PAICS: variants seen among roughly 807,000 people sequenced by gnomAD.
PAICS encodes the protein bifunctional phosphoribosylaminoimidazole carboxylase/phosphoribosylaminoimidazole succinocarboxamide synthetase.
In PAICS, 33 loss-of-function variants were observed where a neutral mutation model predicts 53.7. That is an observed-to-expected ratio of 0.61 (90% CI 0.47 to 0.82). The LOEUF is 0.82. Among genes scored for constraint, PAICS ranks in the 40% least tolerant of loss-of-function variants. PAICS has a pLI of 0.00. For missense variants in PAICS, 394 were observed against 494.1 expected (o/e 0.80, Z 1.92); for synonymous variants, 141 against 167.2 (o/e 0.84, Z 1.21).
Position 56,437,256 on chromosome 4 carries a change from GGTGTGTGTGTGTGTGTGTGTGT to G in PAICS, c.16+949_16+970del, listed in dbSNP as rs57161391. Among the ~76,000 whole-genome samples, 368 of 124,400 alleles carry G rather than the reference GGTGTGTGTGTGTGTGTGTGTGT, an allele frequency of 3.0e-3. 11 individuals are homozygous for G. In the East Asian group the frequency reaches 0.071, roughly 24 times the overall value. 81.6% of individuals were successfully genotyped at this position (124,400 alleles called of 152,430 possible). Reference sequence around the variant, plus strand: ...TTTAGGTAGTCTTTGATGCCATGATGGTGTGTGTGTGTGTGTGTGTGTGTGTGTGTGTGTGTGTGTGTTCGTT... The same window carrying G: ...TTTAGGTAGTCTTTGATGCCATGATGGTGTGTGTGTGTGTGTGTGTTCGTT... On this transcript the variant is annotated intron_variant, in intron 1 of 8. Transcript: ENST00000512576.
At chr4:56,436,054 G>A, upstream of PAICS, 1 of 1,508,866 alleles carries the variant, frequency 6.6e-7, no homozygotes, top group Non-Finnish European at 8.9e-7. Flanking sequence ...CGCCAGCGCG[G>A]GGCGGCCCGG....
the PAICS span, among the ~76,000 whole-genome samples, chr4:56,423,734 A>G: frequency 6.6e-6 from 1 of 152,100 alleles, no homozygotes; most frequent in Non-Finnish European, 1.5e-5. Flanking sequence ...GTGAAACAGG[A>G]CAAATGCATA....
At chr4:56,453,788 T>C (rs1334860441) in intron 8 of PAICS, 27 bp downstream of exon 8, 1 of 1,499,000 alleles carries the variant, frequency 6.7e-7, no homozygotes, top group East Asian at 2.5e-5. Context: ...TTTTAAAAAC[T>C]GTTCATTACA....
At chr4:56,452,984 CTT>C (rs767369819) in intron 7 of PAICS, among the ~76,000 whole-genome samples, 14 of 152,080 alleles carry the variant, frequency 9.2e-5, no homozygotes, top group Non-Finnish European at 1.3e-4. Context: ...TTCTAGAACT[CTT>C]TTCAGAAAAT....
chr4:56,417,133 G>T, the PAICS span, among the ~76,000 whole-genome samples: 1 of 152,182 alleles, frequency 6.6e-6, no homozygotes, highest in East Asian at 1.9e-4. Flanking sequence ...ACAGGCGTGA[G>T]CCACTGCACC....
intron 2 of PAICS, among the ~76,000 whole-genome samples, chr4:56,445,045 T>A (rs1718535424): frequency 6.6e-6 from 1 of 152,148 alleles, no homozygotes; most frequent in African/African-American, 2.4e-5. Flanking sequence ...AATTTTTTTT[T>A]AAAGGTTAAA....
rs1226794830 is a variant in PAICS, at chr4:56,462,505, T to C, written c.*2967T>C. On this transcript the variant is annotated 3_prime_UTR_variant, in exon 9 of 9. Coordinates refer to ENST00000512576, the MANE Select transcript of PAICS (RefSeq NM_001079524.2). ...AGGCTATTGTAGCCCAGGTGAGGGA[T>C]GATGTATGATCTTCAACATGTCTAA... 6.6e-6 allele frequency: 1 copy of C among 152,210 alleles called. No individual in the cohort carries two copies. Among genetic ancestry groups the C allele is most frequent in the Admixed American group, 6.5e-5 (1 of 15,276 alleles). 9.4% of individuals were successfully genotyped at this position (152,210 alleles called of 1,614,324 possible). A position where few individuals can be genotyped will look rare whatever the true frequency, so the allele number is the denominator to read the frequency against.
At chr4:56,412,511 T>C in the PAICS span, among the ~76,000 whole-genome samples, 2 of 152,144 alleles carry the variant, frequency 1.3e-5, no homozygotes, top group Non-Finnish European at 2.9e-5. Context: ...CATGTTGCCC[T>C]GGCTGGTCTT....
upstream of PAICS, chr4:56,435,766 A>T (rs1055135500): frequency 2.7e-6 from 4 of 1,498,610 alleles, no homozygotes; most frequent in South Asian, 2.4e-5. Context: ...TTCCCCTAAG[A>T]GCTGCCTGGA....
chr4:56,451,661 T>C (rs191932996), intron 6 of PAICS, among the ~76,000 whole-genome samples: 1 of 152,300 alleles, frequency 6.6e-6, no homozygotes, highest in Non-Finnish European at 1.5e-5. Context: ...CTGATAAAAA[T>C]TGAATTCTTT....
intron 4 of PAICS, 22 bp downstream of exon 4, chr4:56,448,619 A>G (rs777876017): frequency 6.4e-7 from 1 of 1,560,632 alleles, no homozygotes; most frequent in Admixed American, 1.8e-5. Flanking sequence ...ACAAGTACAG[A>G]TAAAACAACA....
upstream of PAICS, chr4:56,436,253 C>G: frequency 1.9e-6 from 3 of 1,567,342 alleles, no homozygotes; most frequent in South Asian, 2.4e-5. Flanking sequence ...GACCACCCCT[C>G]TTTTCTAGAG....
chr4:56,436,573 T>G, intron 1 of PAICS: 1 of 701,048 alleles, frequency 1.4e-6, no homozygotes, highest in Non-Finnish European at 2.6e-6. Flanking sequence ...TGCCTGGAAG[T>G]ATTATTTATA....
chr4:56,453,546 C>A, intron 7 of PAICS, 57 bp from the exon 8 acceptor site: 7 of 1,250,116 alleles, frequency 5.6e-6, no homozygotes, highest in South Asian at 5.2e-5. Context: ...AAAAAAAACC[C>A]TGTCTTTAAA....
chr4:56,455,290 A>G (rs1013141775), intron 8 of PAICS, among the ~76,000 whole-genome samples: 6 of 152,180 alleles, frequency 3.9e-5, no homozygotes, highest in Non-Finnish European at 7.3e-5. Context: ...ATGAGGGTCA[A>G]TATTGTTTCA....
chr4:56,436,367 A>C (rs1717960000), intron 1 of PAICS, 39 bp downstream of exon 1: 2 of 1,449,392 alleles, frequency 1.4e-6, no homozygotes, highest in Non-Finnish European at 1.9e-6. Flanking sequence ...GGTCTCCCTG[A>C]CCCCCAGGCC....
At chr4:56,424,618 G>C in the PAICS span, among the ~76,000 whole-genome samples, 2 of 152,138 alleles carry the variant, frequency 1.3e-5, no homozygotes, top group African/African-American at 4.8e-5. Flanking sequence ...CTAGATCTTT[G>C]GATCTAAAAC....
the PAICS span, chr4:56,421,339 A>T: frequency 1.3e-5 from 2 of 154,588 alleles, no homozygotes; most frequent in Admixed American, 6.5e-5. Flanking sequence ...TAATTATTTC[A>T]TTATATATTA....
At chr4:56,427,901 T>C in the PAICS span, among the ~76,000 whole-genome samples, 1 of 152,182 alleles carries the variant, frequency 6.6e-6, no homozygotes, top group Non-Finnish European at 1.5e-5. Context: ...TGCTTCCTTA[T>C]ACCTGAGTTG....
Sources: gnomAD v4.1 joint callset for allele counts (sites outside exome capture counted in the v4.1 genomes callset) on GRCh38, gnomAD v4.1.1 for gene constraint, MANE v1.5 for transcripts, NCBI Gene and HGNC (gene_info 2026-07-23, HGNC 2026-07-21) for gene names.